The following FERMT2 variants were observed in gnomAD, a reference collection of about 807,000 sequenced individuals.
FERMT2 encodes FERM domain containing kindlin 2, also known as fermitin family homolog 2.
A neutral mutation model predicts 82.7 loss-of-function variants in FERMT2; 15 were observed. The observed-to-expected ratio is 0.18, with a 90% CI of 0.12 to 0.28. FERMT2 has a LOEUF of 0.28. Ranked by LOEUF, FERMT2 falls within the 10% of genes least tolerant of loss-of-function variation. The probability of loss-of-function intolerance (pLI) is 1.00; values close to 1 mark genes in which losing one functional copy is unlikely to be tolerated. For missense variants in FERMT2, 645 were observed against 809.4 expected (o/e 0.80, Z 2.46); for synonymous variants, 274 against 271.5 (o/e 1.01, Z -0.09).
intron 2 of FERMT2, among the ~76,000 whole-genome samples, chr14:52,941,327 C>A (rs1292176029): frequency 6.6e-6 from 1 of 152,090 alleles, no homozygotes; most frequent in African/African-American, 2.4e-5. Flanking sequence ...TTTGGGAGTA[C>A]TGTAAAAGTT....
intron 3 of FERMT2, among the ~76,000 whole-genome samples, chr14:52,896,910 T>C (rs1887289030): frequency 6.6e-6 from 1 of 151,600 alleles, no homozygotes; most frequent in African/African-American, 2.4e-5. Flanking sequence ...GTGGGAAGAC[T>C]GCCTGAGCCT....
intron 1 of FERMT2, 48 bp downstream of exon 1, chr14:52,950,873 C>T: frequency 4.4e-6 from 1 of 227,650 alleles, no homozygotes; most frequent in East Asian, 8.9e-5. Context: ...TCCCCGTTCC[C>T]CTCCCCGCCG....
intron 4 of FERMT2, among the ~76,000 whole-genome samples, chr14:52,892,166 GTTTTTTTT>G (rs10547747): frequency 6.2e-5 from 8 of 128,850 alleles, no homozygotes; most frequent in South Asian, 2.5e-4. Context: ...GCTGTTTTTT[GTTTTTTTT>G]TTTTTTTTTT....
At chr14:52,911,198 A>AC (rs1888290606) in intron 3 of FERMT2, among the ~76,000 whole-genome samples, 2 of 152,208 alleles carry the variant, frequency 1.3e-5, no homozygotes, top group African/African-American at 2.4e-5. Context: ...CACAGACAAT[A>AC]CCTAAGCCAA....
At chr14:52,869,673 T>C (rs1008805516) in intron 10 of FERMT2, among the ~76,000 whole-genome samples, 2 of 152,188 alleles carry the variant, frequency 1.3e-5, no homozygotes, top group African/African-American at 2.4e-5. Context: ...ATGTTACTGG[T>C]TTATGTATTT....
chr14:52,899,142 G>A (rs1484934429), intron 3 of FERMT2, among the ~76,000 whole-genome samples: 1 of 152,020 alleles, frequency 6.6e-6, no homozygotes, highest in African/African-American at 2.4e-5. Flanking sequence ...AACTAGATGG[G>A]CCCATGAGAA....
rs2297300 is a variant in FERMT2, at chr14:52,950,941, G to A, written c.-30C>T. The A allele has an allele frequency of 1.8e-3, 289 of 164,104 alleles. 2 individuals carry two copies. In the East Asian group the frequency reaches 0.032, roughly 18 times the overall value. The allele number at this position is 164,104 out of a possible 1,614,324, so 10.2% of individuals were successfully genotyped here. A position where few individuals can be genotyped will look rare whatever the true frequency, so the allele number is the denominator to read the frequency against. ...CTCACCGCGCGCTCCTAGCGCTCCG[G>A]GCCCGGGACTCGCGCGGCAACAGGC... On this transcript the variant is annotated 5_prime_UTR_variant, in exon 1 of 15. Coordinates refer to ENST00000341590, the MANE Select transcript of FERMT2 (RefSeq NM_006832.3).
chr14:52,875,451 A>C, intron 7 of FERMT2, 94 bp from the exon 8 acceptor site: 1 of 911,792 alleles, frequency 1.1e-6, no homozygotes, highest in Non-Finnish European at 1.6e-6. Flanking sequence ...GCTTTTCAGG[A>C]CCTAATTTGA....
In FERMT2 at chr14:52,859,974, T is replaced by C. The variant is rs533105320; in HGVS notation, c.1728-260A>G. On this transcript the variant is annotated intron_variant, in intron 13 of 14. Transcript: ENST00000341590. ...CTGGGACTACAGGCGCCCACCACCA[T>C]GCCCCACTAATTTTTTGTATTTTTA... The C allele has an allele frequency of 5.7e-3, 1,572 of 275,024 alleles. 18 individuals are homozygous for C. Among genetic ancestry groups the C allele is most frequent in the African/African-American group, 0.031 (1,383 of 45,282 alleles). 17.0% of individuals were successfully genotyped at this position (275,024 alleles called of 1,614,324 possible).
Position 52,859,561 on chromosome 14 carries a change from T to C in FERMT2, c.1869+12A>G. The C allele has an allele frequency of 6.3e-7, 1 of 1,593,444 alleles. No individual in the cohort carries two copies. Among genetic ancestry groups the C allele is most frequent in the Non-Finnish European group, 8.6e-7 (1 of 1,167,882 alleles). On this transcript the variant is annotated intron_variant, in intron 14 of 14. Coordinates refer to ENST00000341590, the MANE Select transcript of FERMT2 (RefSeq NM_006832.3). ...GAAGGACTATATTCAAGTAACATTG[T>C]TATGAGTTTACCATTTTGATTTCCC...
intron 10 of FERMT2, among the ~76,000 whole-genome samples, chr14:52,868,915 C>CA (rs569968962): frequency 3.6e-4 from 55 of 152,284 alleles, no homozygotes; most frequent in African/African-American, 1.3e-3. Flanking sequence ...GTGATGAGTG[C>CA]AATGATCAGT....
intron 4 of FERMT2, among the ~76,000 whole-genome samples, chr14:52,892,166 G>GTTTTTTTT (rs10547747): frequency 1.2e-4 from 16 of 128,824 alleles, no homozygotes; most frequent in African/African-American, 3.2e-4. Context: ...GCTGTTTTTT[G>GTTTTTTTT]TTTTTTTTTT....
chr14:52,875,833 A>T (rs930562064), intron 7 of FERMT2, among the ~76,000 whole-genome samples: 1 of 152,216 alleles, frequency 6.6e-6, no homozygotes, highest in Admixed American at 6.5e-5. Context: ...TCGAAAGCTA[A>T]AACTCCACTT....
At chr14:52,923,792 G>GA (rs1213954060) in intron 2 of FERMT2, among the ~76,000 whole-genome samples, 2 of 151,712 alleles carry the variant, frequency 1.3e-5, no homozygotes, top group Non-Finnish European at 2.9e-5. Flanking sequence ...TAACAATATA[G>GA]AAAAAAAATT....
At chr14:52,863,237 AT>A (rs1158812935) in intron 12 of FERMT2, 1 of 63,898 alleles carries the variant, frequency 1.6e-5, no homozygotes, top group Non-Finnish European at 4.0e-5. Context: ...AAAGACAAAT[AT>A]TCTGTCATTA....
chr14:52,860,694 T>A (rs1224397267), intron 12 of FERMT2: 2 of 565,960 alleles, frequency 3.5e-6, no homozygotes, highest in Non-Finnish European at 6.1e-6. Flanking sequence ...AAAGTACTAT[T>A]AGGAGTACAT....
At chr14:52,873,948 CTTTT>C (rs374646717) in intron 9 of FERMT2, among the ~76,000 whole-genome samples, 3 of 139,728 alleles carry the variant, frequency 2.1e-5, no homozygotes, top group African/African-American at 7.9e-5. Context: ...GTTTCACAAT[CTTTT>C]TTTTTTTTTT....
chr14:52,923,712 AT>A (rs1315549020), intron 2 of FERMT2, among the ~76,000 whole-genome samples: 1 of 152,098 alleles, frequency 6.6e-6, no homozygotes, highest in Non-Finnish European at 1.5e-5. Flanking sequence ...CAGAAAAAAA[AT>A]AAGCTCTCTT....
intron 4 of FERMT2, among the ~76,000 whole-genome samples, chr14:52,887,992 A>G (rs768871287): frequency 3.9e-5 from 6 of 152,224 alleles, no homozygotes; most frequent in Non-Finnish European, 5.9e-5. Flanking sequence ...TATGTATTCA[A>G]TAATACTTAT....
Sources: gnomAD v4.1 joint callset for allele counts (sites outside exome capture counted in the v4.1 genomes callset) on GRCh38, gnomAD v4.1.1 for gene constraint, MANE v1.5 for transcripts, NCBI Gene and HGNC (gene_info 2026-07-23, HGNC 2026-07-21) for gene names.